ERC2: variants seen among roughly 807,000 people sequenced by gnomAD.
The protein encoded by ERC2 is ERC protein 2.
ERC2 carries 42 observed loss-of-function variants against 114.8 expected under a neutral mutation model. The ratio of observed to expected loss-of-function variants is 0.37; its 90% CI spans 0.29 to 0.47. The LOEUF (loss-of-function observed/expected upper bound fraction) is 0.47, where lower values mean the gene tolerates loss of function less well. Among genes scored for constraint, ERC2 ranks in the 20% least tolerant of loss-of-function variants. The pLI is 0.99. For synonymous variants in ERC2, 454 were observed against 425.5 expected, an observed-to-expected ratio of 1.07 and a Z score of -0.82; for missense variants, 939 against 1,150.7, an observed-to-expected ratio of 0.82 and a Z score of 2.66.
chr3:56,345,367 G>T (rs1182632833), intron 2 of ERC2, among the ~76,000 whole-genome samples: 1 of 152,214 alleles, frequency 6.6e-6, no homozygotes, highest in Non-Finnish European at 1.5e-5. Context: ...CTTACAGTCT[G>T]GTTGAAAGGG....
intron 6 of ERC2, among the ~76,000 whole-genome samples, chr3:56,124,505 T>C (rs928873761): frequency 2.6e-5 from 4 of 152,210 alleles, no homozygotes; most frequent in Admixed American, 2.6e-4. Flanking sequence ...TCCTGGGTTC[T>C]GAAAAATTCC....
intron 13 of ERC2, among the ~76,000 whole-genome samples, chr3:55,913,279 G>C (rs2064915539): frequency 6.6e-6 from 1 of 152,114 alleles, no homozygotes; most frequent in African/African-American, 2.4e-5. Context: ...CATGGCCACA[G>C]TGTAATCTAT....
chr3:55,788,270 A>C (rs762313446), intron 14 of ERC2, among the ~76,000 whole-genome samples: 36 of 152,308 alleles, frequency 2.4e-4, no homozygotes, highest in Admixed American at 9.8e-4. Flanking sequence ...CTCCCCTGAT[A>C]ATCTCAGAGT....
At chr3:55,849,434 C>T (rs541732299) in intron 14 of ERC2, among the ~76,000 whole-genome samples, 1 of 152,316 alleles carries the variant, frequency 6.6e-6, no homozygotes, top group Admixed American at 6.5e-5. Context: ...TCTATCACCC[C>T]AAGAACGTCA....
chr3:55,638,851 A>G (rs952802477), intron 17 of ERC2, among the ~76,000 whole-genome samples: 12 of 152,292 alleles, frequency 7.9e-5, no homozygotes, highest in African/African-American at 2.9e-4. Flanking sequence ...ACCAAACTAC[A>G]TTAGAATAGT....
chr3:56,407,127 C>T (rs1302590667), intron 2 of ERC2, among the ~76,000 whole-genome samples: 4 of 152,166 alleles, frequency 2.6e-5, no homozygotes, highest in African/African-American at 9.7e-5. Flanking sequence ...TCCAGAGGAA[C>T]CCAAACCGCT....
intron 14 of ERC2, among the ~76,000 whole-genome samples, chr3:55,865,982 T>C (rs1441638386): frequency 6.6e-6 from 1 of 152,180 alleles, no homozygotes; most frequent in Non-Finnish European, 1.5e-5. Context: ...AGAAGTTGAA[T>C]TGCTGTGTCA....
intron 14 of ERC2, among the ~76,000 whole-genome samples, chr3:55,780,359 G>C (rs2068940467): frequency 6.6e-6 from 1 of 152,080 alleles, no homozygotes; most frequent in Admixed American, 6.6e-5. Flanking sequence ...AATAATGCAG[G>C]AATGTGTCAG....
At chr3:56,028,379 G>A (rs1375319532) in intron 7 of ERC2, among the ~76,000 whole-genome samples, 6 of 151,902 alleles carry the variant, frequency 3.9e-5, no homozygotes, top group Non-Finnish European at 8.8e-5. Flanking sequence ...AATCTATATA[G>A]CACTATTTGA....
intron 7 of ERC2, among the ~76,000 whole-genome samples, chr3:56,051,317 A>C (rs1390997254): frequency 6.6e-6 from 1 of 152,138 alleles, no homozygotes; most frequent in East Asian, 1.9e-4. Context: ...TCAAACCCCT[A>C]TTTGCAGGGG....
chr3:55,864,229 ATGTGTGTGTGTG>A (rs72144317), intron 14 of ERC2, among the ~76,000 whole-genome samples: 2 of 146,188 alleles, frequency 1.4e-5, no homozygotes, highest in African/African-American at 2.5e-5. Flanking sequence ...ACACATATAT[ATGTGTGTGTGTG>A]TATATATGTA....
intron 15 of ERC2, among the ~76,000 whole-genome samples, chr3:55,708,683 T>C (rs2063609129): frequency 6.6e-6 from 1 of 152,110 alleles, no homozygotes. Context: ...GGAGTTTCTT[T>C]AGAAAGTGAA....
rs188955823 is a variant in ERC2 at position 56,380,736 on chromosome 3, C to G, written c.657+53615G>C. ...ATCTTTGATATAAAGTGAGATATGA[C>G]TAAAAATGGAGGTAAAGTTCAAATT... On this transcript the variant is annotated intron_variant, in intron 2 of 17. Transcript: ENST00000288221. Among the ~76,000 whole-genome samples the G allele has an allele frequency of 1.8e-3, 276 of 152,234 alleles. 1 individual carries two copies. Among genetic ancestry groups the G allele is most frequent in the African/African-American group, 6.2e-3 (258 of 41,540 alleles).
At chr3:56,074,304 A>G (rs1485909014) in intron 7 of ERC2, among the ~76,000 whole-genome samples, 2 of 152,218 alleles carry the variant, frequency 1.3e-5, no homozygotes, top group African/African-American at 4.8e-5. Context: ...CCTATAAGCC[A>G]TTAGGTCTGT....
At chr3:56,409,807 C>T (rs2060873747) in intron 2 of ERC2, among the ~76,000 whole-genome samples, 1 of 152,216 alleles carries the variant, frequency 6.6e-6, no homozygotes, top group Admixed American at 6.5e-5. Flanking sequence ...GATTCCAGCC[C>T]TCTTAATACC....
intron 12 of ERC2, among the ~76,000 whole-genome samples, chr3:55,982,311 G>A (rs1045310040): frequency 6.6e-6 from 1 of 152,012 alleles, no homozygotes; most frequent in Non-Finnish European, 1.5e-5. Flanking sequence ...AAATCAAAAT[G>A]GATTGATTTA....
intron 12 of ERC2, among the ~76,000 whole-genome samples, chr3:55,952,180 C>CAATATATA (rs1553749407): frequency 3.9e-5 from 1 of 25,572 alleles, no homozygotes; most frequent in African/African-American, 1.4e-4. Flanking sequence ...CACACACACA[C>CAATATATA]TCTCTCTCTC....
At chr3:56,150,280 G>C (rs2081350012) in intron 4 of ERC2, among the ~76,000 whole-genome samples, 1 of 152,126 alleles carries the variant, frequency 6.6e-6, no homozygotes, top group African/African-American at 2.4e-5. Context: ...TGCAACAAAT[G>C]TGTCTGTCCT....
chr3:56,466,141 A>G (rs2063534773), intron 1 of ERC2, among the ~76,000 whole-genome samples: 1 of 152,262 alleles, frequency 6.6e-6, no homozygotes. Context: ...AGTACTCAAC[A>G]AAGTGCTTGC....
Sources: gnomAD v4.1 joint callset for allele counts (sites outside exome capture counted in the v4.1 genomes callset) on GRCh38, gnomAD v4.1.1 for gene constraint, MANE v1.5 for transcripts, NCBI Gene and HGNC (gene_info 2026-07-23, HGNC 2026-07-21) for gene names.